The following CABIN1 variants were observed in gnomAD, a reference collection of about 807,000 sequenced individuals.
CABIN1 encodes calcineurin binding protein 1.
Under a neutral mutation model 227.7 loss-of-function variants are expected in CABIN1, and 133 were observed. That is an observed-to-expected ratio of 0.58 (90% CI 0.51 to 0.67). The LOEUF is 0.67. Ranked by LOEUF, CABIN1 falls within the 30% of genes least tolerant of loss-of-function variation. The probability of loss-of-function intolerance (pLI) is 0.00; values close to 1 mark genes in which losing one functional copy is unlikely to be tolerated. For synonymous variants in CABIN1, 1,086 were observed against 1,155.1 expected, an observed-to-expected ratio of 0.94 and a Z score of 1.21; for missense variants, 2,408 against 2,852.5, an observed-to-expected ratio of 0.84 and a Z score of 3.55.
chr22:24,017,998 T>C (rs1282710201), intron 1 of CABIN1, among the ~76,000 whole-genome samples: 1 of 152,096 alleles, frequency 6.6e-6, no homozygotes, highest in Non-Finnish European at 1.5e-5. Context: ...GGACTACAGA[T>C]GTGTACCACC....
chr22:24,084,741 A>C lies in CABIN1; in HGVS notation c.3073A>C (p.Ser1025Arg). 20 of 1,614,220 alleles carry C rather than the reference A, an allele frequency of 1.2e-5. No homozygotes were observed. Among genetic ancestry groups the C allele is most frequent in the Non-Finnish European group, 1.6e-5 (19 of 1,180,038 alleles). Residue 1025 changes from serine to arginine, a missense_variant, in exon 21 of 37, where the codon AGC becomes CGC. Around this residue, in one of 3 missense-constraint regions of CABIN1, gnomAD observed 649 missense variants for 910.3 expected, o/e 0.71. Transcript: ENST00000263119. ...IVPRTERPAL[S>R]LDKVSAYIEG... The stretch of plus-strand genomic sequence containing the variant: ...GCCTCGCACAGAGAGGCCAGCCCTT[A>C]GCCTGGACAAAGTCTCTGCCTACAT...
At chr22:24,065,520 A>T (rs2039573366) in intron 15 of CABIN1, among the ~76,000 whole-genome samples, 1 of 143,438 alleles carries the variant, frequency 7.0e-6, no homozygotes, top group African/African-American at 2.6e-5. Context: ...CACTTTCCAG[A>T]CTGGGCAGCC....
intron 26 of CABIN1, among the ~76,000 whole-genome samples, 154 bp from the exon 27 acceptor site, chr22:24,113,412 G>C (rs1342814737): frequency 6.6e-6 from 1 of 152,246 alleles, no homozygotes; most frequent in Non-Finnish European, 1.5e-5. Context: ...TCTGGGATGG[G>C]TTGGGCCCAG....
At chr22:24,051,258 C>CGA (rs1232024721) in intron 8 of CABIN1, among the ~76,000 whole-genome samples, 2 of 152,196 alleles carry the variant, frequency 1.3e-5, no homozygotes, top group African/African-American at 4.8e-5. Flanking sequence ...TCAGCCTGCC[C>CGA]TATCTAGAGG....
chr22:24,101,869 G>T (rs200428698), intron 26 of CABIN1: 2 of 93,454 alleles, frequency 2.1e-5, no homozygotes, highest in Non-Finnish European at 1.9e-5. Flanking sequence ...GTGTATGTAT[G>T]TGTGTGTGTG....
At chr22:24,166,232 C>G (rs534903237) in intron 31 of CABIN1, among the ~76,000 whole-genome samples, 2 of 152,306 alleles carry the variant, frequency 1.3e-5, no homozygotes, top group African/African-American at 4.8e-5. Context: ...GGCTCTGCAG[C>G]AAACATGCTT....
Position 24,166,696 on chromosome 22 carries a change from G to A in CABIN1, c.5065G>A (p.Asp1689Asn), listed in dbSNP as rs199949467. 9 of 1,612,720 alleles carry A rather than the reference G, an allele frequency of 5.6e-6. No homozygotes were observed. Among genetic ancestry groups the A allele is most frequent in the Admixed American group, 1.7e-5 (1 of 60,020 alleles). ...CCTCCCCGGAGCCAGGATGACCACCGATGTCTCACACAAGGCCAGTCCTGA... is the reference window on the plus strand; with the variant it reads ...CCTCCCCGGAGCCAGGATGACCACCAATGTCTCACACAAGGCCAGTCCTGA... ...CGLPGARMTT[D>N]VSHKASPEDG... Residue 1689 changes from aspartate (D) to asparagine (N), a missense_variant, in exon 32 of 37, where the codon GAT becomes AAT. Transcript: ENST00000263119.
intron 1 of CABIN1, among the ~76,000 whole-genome samples, chr22:24,030,944 C>T (rs975094480): frequency 9.8e-5 from 15 of 152,340 alleles, no homozygotes; most frequent in African/African-American, 2.6e-4. Flanking sequence ...ACAGGCACAC[C>T]TGGCACCATT....
intron 26 of CABIN1, among the ~76,000 whole-genome samples, chr22:24,102,710 A>C (rs1269823817): frequency 6.6e-6 from 1 of 152,128 alleles, no homozygotes; most frequent in South Asian, 2.1e-4. Context: ...GGTTGGGGAG[A>C]GGGAGCAGCC....
At chr22:24,114,449 T>C (rs750628159) in intron 27 of CABIN1, among the ~76,000 whole-genome samples, 6 of 152,240 alleles carry the variant, frequency 3.9e-5, no homozygotes, top group Non-Finnish European at 8.8e-5. Context: ...CCCAGCCCCG[T>C]ACTCTTTTCT....
At chr22:24,106,009 G>A (rs2042492473) in intron 26 of CABIN1, among the ~76,000 whole-genome samples, 1 of 152,192 alleles carries the variant, frequency 6.6e-6, no homozygotes, top group South Asian at 2.1e-4. Context: ...AGGTAGGACT[G>A]GAGCCAGGCC....
intron 29 of CABIN1, among the ~76,000 whole-genome samples, chr22:24,149,188 CTA>C (rs1481180048): frequency 6.6e-6 from 1 of 152,174 alleles, no homozygotes; most frequent in Non-Finnish European, 1.5e-5. Context: ...GATGGGTGTC[CTA>C]TACCCACCTG....
At position 24,098,063 on chromosome 22, in the gene CABIN1, C is replaced by A. The variant is rs546394382; in HGVS notation, c.3988C>A (p.Leu1330Met). Residue 1330 changes from leucine (L) to methionine (M), a missense_variant, in exon 26 of 37, where the codon CTG becomes ATG. Leu to Met is a conservative substitution (Grantham distance 15, BLOSUM62 2). This residue lies in a region of CABIN1 where 649 missense variants were observed against 910.3 expected (regional missense o/e 0.71). Coordinates refer to ENST00000263119, the MANE Select transcript of CABIN1 (RefSeq NM_012295.4). ...GGACTCCCACTCTTCAGCTGGGACA[C>A]TGCCGGGCCCCGGAGCCTCCCTCCC... ...DEDSHSSAGT[L>M]PGPGASLPSS... The A allele has an allele frequency of 4.3e-6, 7 of 1,614,208 alleles. No homozygotes were observed. The African/African-American group carries it at 6.7e-5, about 15-fold the overall frequency.
chr22:24,039,833 C>T (rs2037225866), intron 4 of CABIN1, among the ~76,000 whole-genome samples: 1 of 152,234 alleles, frequency 6.6e-6, no homozygotes, highest in Non-Finnish European at 1.5e-5. Flanking sequence ...TTTCTTTTTA[C>T]ACTCATATTG....
chr22:24,127,697 A>G (rs2043819946), intron 28 of CABIN1, among the ~76,000 whole-genome samples: 1 of 152,204 alleles, frequency 6.6e-6, no homozygotes, highest in South Asian at 2.1e-4. Flanking sequence ...TGTGAAGGAA[A>G]GAGAAAAGTC....
chr22:24,118,264 A>G (rs563494645), intron 27 of CABIN1, among the ~76,000 whole-genome samples: 14 of 152,268 alleles, frequency 9.2e-5, no homozygotes, highest in African/African-American at 3.1e-4. Context: ...CAGGGAGGGA[A>G]GGTCAGACTA....
chr22:24,042,929 T>C lies in CABIN1; in HGVS notation c.371T>C (p.Val124Ala). 1.2e-6 allele frequency: 2 copies of C among 1,606,364 alleles called. No homozygotes were observed. The highest frequency in any genetic ancestry group is 1.7e-6 in the Non-Finnish European group (2 of 1,175,948). ...LEAVMLDSTD[V>A]NLWYKIGHVA... ...GCAGTGATGCTGGACTCCACAGATG[T>C]CAACCTCTGGTATAAGATTGGACAT... The change falls in exon 6 of 37, where the codon GTC (valine) becomes GCC (alanine). Residue 124 changes from valine to alanine, a missense_variant. By Grantham distance (64) the Val-to-Ala change is moderately conservative. Coordinates refer to ENST00000263119, the MANE Select transcript of CABIN1 (RefSeq NM_012295.4).
intron 19 of CABIN1, 142 bp downstream of exon 19, chr22:24,076,426 T>C: frequency 1.4e-6 from 1 of 712,440 alleles, no homozygotes; most frequent in Non-Finnish European, 2.5e-6. Context: ...GTCTTTGACT[T>C]ACTGCATTTC....
intron 28 of CABIN1, among the ~76,000 whole-genome samples, chr22:24,123,753 A>G (rs1250915486): frequency 6.6e-6 from 1 of 152,258 alleles, no homozygotes; most frequent in Non-Finnish European, 1.5e-5. Context: ...CACTTTCCAA[A>G]CACAGCTGTT....
Sources: allele counts gnomAD v4.1 joint callset (sites outside exome capture counted in the v4.1 genomes callset), GRCh38; gene constraint gnomAD v4.1.1; regional missense constraint gnomAD v4.1.1; transcripts MANE v1.5; gene names NCBI Gene and HGNC (gene_info 2026-07-23, HGNC 2026-07-21).